TSPAN19: variants seen among roughly 807,000 people sequenced by gnomAD.
The protein encoded by TSPAN19 is tetraspanin-19.
A neutral mutation model predicts 35.1 loss-of-function variants in TSPAN19; 44 were observed. The ratio of observed to expected loss-of-function variants is 1.25; its 90% confidence interval spans 0.98 to 1.61. TSPAN19 has a LOEUF of 1.61. Ranked by LOEUF, TSPAN19 falls within the 40% of genes most tolerant of loss-of-function variation. The probability of loss-of-function intolerance (pLI) is 0.00; values close to 1 mark genes in which losing one functional copy is unlikely to be tolerated. For missense variants in TSPAN19, 290 were observed against 280.0 expected (o/e 1.04, Z -0.26); for synonymous variants, 79 against 92.0 (o/e 0.86, Z 0.81).
intron 5 of TSPAN19, 126 bp from the exon 6 acceptor site, chr12:85,019,862 G>T: frequency 3.6e-6 from 2 of 548,912 alleles, no homozygotes; most frequent in South Asian, 2.8e-5. Flanking sequence ...TCTGTTTTCT[G>T]TTTATTTCTT....
At position 85,023,525 on chromosome 12, in the gene TSPAN19, G is replaced by A. The variant is rs1592662759; in HGVS notation, c.265-125C>T. 8.0e-6 allele frequency: 5 copies of A among 626,772 alleles called. No individual in the cohort carries two copies. In the East Asian group the frequency reaches 1.5e-4, roughly 19 times the overall value. The allele number at this position is 626,772 out of a possible 1,614,324, so 38.8% of individuals were successfully genotyped here. A position where few individuals can be genotyped will look rare whatever the true frequency, so the allele number is the denominator to read the frequency against. On this transcript the variant is annotated intron_variant, in intron 4 of 8. Transcript: ENST00000532498. ...TAAAGTATATATGGGTATTGCTGAGGCTTCCTGCCTTCACAAATATGAATG... is the reference window on the plus strand; with the variant it reads ...TAAAGTATATATGGGTATTGCTGAGACTTCCTGCCTTCACAAATATGAATG...
At chr12:85,021,519 T>C (rs1399153080) in intron 5 of TSPAN19, among the ~76,000 whole-genome samples, 1 of 152,076 alleles carries the variant, frequency 6.6e-6, no homozygotes, top group African/African-American at 2.4e-5. Context: ...TCGTTTTGTT[T>C]CTAAAACATT....
chr12:85,030,225 G>A (rs1877617855), intron 1 of TSPAN19, among the ~76,000 whole-genome samples: 1 of 152,068 alleles, frequency 6.6e-6, no homozygotes, highest in African/African-American at 2.4e-5. Context: ...GCAATCAAGA[G>A]TAAGAAGACA....
chr12:85,024,418 G>C (rs1233569885), intron 4 of TSPAN19, among the ~76,000 whole-genome samples: 1 of 152,112 alleles, frequency 6.6e-6, no homozygotes, highest in Non-Finnish European at 1.5e-5. Flanking sequence ...TATTTTGTCT[G>C]GGTCTGACAA....
In TSPAN19 at chr12:85,017,517, CAAGA is replaced by C; in HGVS notation, c.529_532del (p.Ser177AlafsTer6). On this transcript the variant is annotated frameshift_variant, in exon 7 of 9. Transcript: ENST00000532498. LOFTEE classifies it high-confidence loss of function. ...CCATTTTCTTAAAGTTGACTTTGTGCAAGAACATGGCACCTGTCCTGAATTTTCT... is the reference window on the plus strand; with the variant it reads ...CCATTTTCTTAAAGTTGACTTTGTGCACATGGCACCTGTCCTGAATTTTCT... The C allele has an allele frequency of 1.9e-6, 3 of 1,605,874 alleles. No individual in the cohort carries two copies. The highest frequency in any genetic ancestry group is 1.7e-6 in the Non-Finnish European group (2 of 1,175,550).
At chr12:85,032,433 C>G (rs1374989980) in intron 1 of TSPAN19, among the ~76,000 whole-genome samples, 1 of 152,088 alleles carries the variant, frequency 6.6e-6, no homozygotes, top group Non-Finnish European at 1.5e-5. Context: ...AGTTCTAGAT[C>G]ATGGTGTCAT....
At position 85,032,123 on chromosome 12, in the gene TSPAN19, T is replaced by C. The variant is rs961859995; in HGVS notation, c.-27-2150A>G. Among the ~76,000 whole-genome samples the C allele has an allele frequency of 2.6e-5, 4 of 152,142 alleles. No homozygotes were observed. In the East Asian group the frequency reaches 7.7e-4, roughly 29 times the overall value. Reference sequence around the variant, plus strand: ...TTAGAAGAAAAATTCATAAATTCAATATTTCATGATTAAATTTGAATTGGT... The same window carrying C: ...TTAGAAGAAAAATTCATAAATTCAACATTTCATGATTAAATTTGAATTGGT... On this transcript the variant is annotated intron_variant, in intron 1 of 8. Coordinates refer to ENST00000532498, the MANE Select transcript of TSPAN19 (RefSeq NM_001100917.2).
intron 1 of TSPAN19, among the ~76,000 whole-genome samples, chr12:85,035,789 T>G (rs1301510522): frequency 6.6e-6 from 1 of 152,176 alleles, no homozygotes; most frequent in East Asian, 1.9e-4. Context: ...AATTAAGGTT[T>G]TATATTGAAA....
Position 85,017,552 on chromosome 12 carries a change from C to A in TSPAN19, c.498G>T (p.Lys166Asn). 1 of 1,595,396 alleles carries A rather than the reference C, an allele frequency of 6.3e-7. No individual in the cohort carries two copies. Among genetic ancestry groups the A allele is most frequent in the Non-Finnish European group, 8.6e-7 (1 of 1,169,548 alleles). The change falls in exon 7 of 9, where the codon AAG (lysine) becomes AAT (asparagine). Residue 166 changes from lysine (K) to asparagine (N), a missense_variant. Physicochemically the swap from Lys to Asn is moderately conservative, Grantham distance 94 (BLOSUM62 0). Coordinates refer to ENST00000532498, the MANE Select transcript of TSPAN19 (RefSeq NM_001100917.2). ...GCACCTGTCCTGAATTTTCTTTGTT[C>A]TTATTCTTTATCCAGTCTGTGTAAT... ...QHNYTDWIKN[K>N]NKENSGQVPC...
intron 3 of TSPAN19, 116 bp downstream of exon 3, chr12:85,029,603 G>T: frequency 2.3e-6 from 2 of 865,876 alleles, no homozygotes; most frequent in Non-Finnish European, 3.6e-6. Context: ...CAGAAGGAAT[G>T]CTGGACACTT....
intron 1 of TSPAN19, among the ~76,000 whole-genome samples, chr12:85,031,933 A>G (rs1457491663): frequency 6.6e-6 from 1 of 152,112 alleles, no homozygotes; most frequent in East Asian, 1.9e-4. Flanking sequence ...ACTGGTCAGA[A>G]AAGGCCAATT....
chr12:85,030,778 C>T (rs1449691673), intron 1 of TSPAN19, among the ~76,000 whole-genome samples: 1 of 151,998 alleles, frequency 6.6e-6, no homozygotes, highest in Non-Finnish European at 1.5e-5. Flanking sequence ...AAATCAATAC[C>T]TACTCCATTG....
intron 1 of TSPAN19, among the ~76,000 whole-genome samples, chr12:85,032,770 G>T (rs1465010699): frequency 1.3e-5 from 2 of 152,118 alleles, no homozygotes; most frequent in Admixed American, 1.3e-4. Flanking sequence ...TATTTGTAGT[G>T]TGAAAGATCT....
chr12:85,021,947 T>C (rs1877149631), intron 5 of TSPAN19, among the ~76,000 whole-genome samples: 2 of 152,164 alleles, frequency 1.3e-5, no homozygotes, highest in Non-Finnish European at 2.9e-5. Flanking sequence ...CTATAGTGTT[T>C]ATCACAGTCT....
intron 7 of TSPAN19, chr12:85,016,798 C>T (rs1298320566): frequency 1.3e-5 from 2 of 151,134 alleles, no homozygotes; most frequent in Non-Finnish European, 3.0e-5. Context: ...TATATCACCA[C>T]ATAAAATGGT....
chr12:85,027,757 G>A (rs1408116508), intron 4 of TSPAN19, 142 bp downstream of exon 4: 1 of 779,678 alleles, frequency 1.3e-6, no homozygotes, highest in Non-Finnish European at 1.9e-6. Context: ...TTGTTGGAGG[G>A]AGGAGGGTGT....
At chr12:85,022,448 C>A (rs1053036736) in intron 5 of TSPAN19, among the ~76,000 whole-genome samples, 3 of 151,946 alleles carry the variant, frequency 2.0e-5, no homozygotes, top group Non-Finnish European at 2.9e-5. Flanking sequence ...ATCAGGAGAT[C>A]CTTCAAGATT....
intron 3 of TSPAN19, among the ~76,000 whole-genome samples, chr12:85,029,332 G>C (rs905503862): frequency 6.6e-6 from 1 of 151,976 alleles, no homozygotes; most frequent in African/African-American, 2.4e-5. Flanking sequence ...ACTAATAATT[G>C]TACATATTCA....
chr12:85,019,268 C>A (rs1876986039), intron 6 of TSPAN19, among the ~76,000 whole-genome samples: 1 of 151,888 alleles, frequency 6.6e-6, no homozygotes, highest in Non-Finnish European at 1.5e-5. Flanking sequence ...CACAGCAATC[C>A]TGGTATTCAG....
Sources: gnomAD v4.1 joint callset for allele counts (sites outside exome capture counted in the v4.1 genomes callset) on GRCh38, gnomAD v4.1.1 for gene constraint, MANE v1.5 for transcripts, NCBI Gene and HGNC (gene_info 2026-07-23, HGNC 2026-07-21) for gene names.